Variants in PHEX observed in about 807,000 individuals in gnomAD.
The protein encoded by PHEX is phosphate regulating endopeptidase X-linked.
Under a neutral mutation model 68.0 loss-of-function variants are expected in PHEX, and 16 were observed. The ratio of observed to expected loss-of-function variants is 0.24; its 90% confidence interval spans 0.16 to 0.36. The LOEUF is 0.36. Among genes scored for constraint, PHEX ranks in the 10% least tolerant of loss-of-function variants. The pLI, the probability that PHEX is intolerant of heterozygous loss-of-function variation, is 1.00. For synonymous variants in PHEX, 208 were observed against 205.1 expected (o/e 1.01, Z -0.12); for missense variants, 480 against 575.5 (o/e 0.83, Z 1.70).
At chrX:22,066,194 C>T (rs998982012) in intron 3 of PHEX, among the ~76,000 whole-genome samples, 1 of 111,783 alleles carries the variant, frequency 8.9e-6, no homozygotes, top group Non-Finnish European at 1.9e-5. Flanking sequence ...ATGTAATGAG[C>T]GATATGTTTT....
At chrX:22,068,274 G>A (rs886584734) in intron 3 of PHEX, among the ~76,000 whole-genome samples, 1 of 111,901 alleles carries the variant, frequency 8.9e-6, no homozygotes, top group African/African-American at 3.2e-5. Context: ...TCCTACCTCT[G>A]GTTAGGTGCC....
intron 13 of PHEX, chrX:22,171,773 A>T (rs1339124719): frequency 2.7e-5 from 3 of 112,257 alleles, no homozygotes; most frequent in Non-Finnish European, 5.6e-5. Context: ...GACTGTTTTC[A>T]GTTTTAAGAA....
At chrX:22,188,359 C>CT (rs1289816963) in intron 14 of PHEX, among the ~76,000 whole-genome samples, 1 of 111,665 alleles carries the variant, frequency 9.0e-6, no homozygotes, top group Non-Finnish European at 1.9e-5. Flanking sequence ...CATGCCACTG[C>CT]TGGGCCTAGG....
intron 9 of PHEX, 107 bp from the exon 10 acceptor site, chrX:22,111,360 A>G (rs1023666566): frequency 1.6e-6 from 1 of 641,515 alleles, no homozygotes; most frequent in African/African-American, 2.2e-5. Context: ...TTGTATGAGT[A>G]AGAGGTCCCT....
intron 7 of PHEX, 144 bp downstream of exon 7, chrX:22,094,243 C>T (rs1244418557): frequency 2.5e-6 from 1 of 407,757 alleles, no homozygotes. Context: ...TGTCATTGCC[C>T]ATTGGGCCCA....
At chrX:22,199,470 C>T (rs1326139587) in intron 15 of PHEX, among the ~76,000 whole-genome samples, 1 of 112,074 alleles carries the variant, frequency 8.9e-6, no homozygotes, top group Non-Finnish European at 1.9e-5. Context: ...CAGAAGTAAA[C>T]AGTTCCTAAG....
At chrX:22,092,533 G>T (rs892655063) in intron 6 of PHEX, among the ~76,000 whole-genome samples, 4 of 108,102 alleles carry the variant, frequency 3.7e-5, no homozygotes. Flanking sequence ...CCACCATGCC[G>T]GGCTAATTTT....
At chrX:22,063,296 C>T (rs1303741472) in intron 3 of PHEX, among the ~76,000 whole-genome samples, 1 of 112,340 alleles carries the variant, frequency 8.9e-6, no homozygotes, top group Non-Finnish European at 1.9e-5. Context: ...TTGACCAAGT[C>T]TCCAGAATAA....
At chrX:22,138,068 CT>C in intron 12 of PHEX, among the ~76,000 whole-genome samples, 1 of 112,404 alleles carries the variant, frequency 8.9e-6, no homozygotes, top group African/African-American at 3.2e-5. Flanking sequence ...TGCTGACTGC[CT>C]TTCTTTCTCT....
At chrX:22,205,099 C>T (rs1046125695) in intron 15 of PHEX, among the ~76,000 whole-genome samples, 1 of 112,075 alleles carries the variant, frequency 8.9e-6, no homozygotes, top group African/African-American at 3.2e-5. Context: ...GACACAGGTA[C>T]ACACTTAATG....
At chrX:22,237,869 T>C (rs1936037501) in intron 20 of PHEX, among the ~76,000 whole-genome samples, 1 of 112,784 alleles carries the variant, frequency 8.9e-6, no homozygotes, top group Admixed American at 9.4e-5. Flanking sequence ...TCAAGTCATA[T>C]GGCAAGTCAG....
intron 15 of PHEX, among the ~76,000 whole-genome samples, chrX:22,198,832 G>A (rs143181672): frequency 1.9e-4 from 21 of 111,650 alleles, no homozygotes; most frequent in African/African-American, 5.9e-4. Context: ...TAGTAAAGAC[G>A]TACCCAAGAC....
At chrX:22,104,735 C>A (rs1484312969) in intron 9 of PHEX, among the ~76,000 whole-genome samples, 1 of 111,461 alleles carries the variant, frequency 9.0e-6, no homozygotes, top group Non-Finnish European at 1.9e-5. Flanking sequence ...CACTTCCCAT[C>A]TACTTTTATC....
At chrX:22,210,955 AAAGTT>A (rs1247493481) in intron 15 of PHEX, among the ~76,000 whole-genome samples, 7 of 111,103 alleles carry the variant, frequency 6.3e-5, no homozygotes, top group East Asian at 2.8e-4. Context: ...GAGAAAAAAA[AAAGTT>A]AAGAAGAGGG....
intron 5 of PHEX, among the ~76,000 whole-genome samples, chrX:22,085,329 C>G (rs1929578324): frequency 9.0e-6 from 1 of 111,063 alleles, no homozygotes. Flanking sequence ...AATCCCAGCA[C>G]TATGGGAGGT....
At chrX:22,092,705 C>T (rs909004318) in intron 6 of PHEX, among the ~76,000 whole-genome samples, 23 of 107,347 alleles carry the variant, frequency 2.1e-4, no homozygotes, top group African/African-American at 7.9e-4. Context: ...TTAGGAATAG[C>T]AAAATATTAT....
intron 3 of PHEX, among the ~76,000 whole-genome samples, chrX:22,050,406 C>T (rs1278656680): frequency 1.8e-5 from 2 of 109,726 alleles, no homozygotes; most frequent in East Asian, 2.8e-4. Context: ...GGTGAAACCT[C>T]GTCTCTACCA....
chrX:22,160,053 G>T (rs1276290198), intron 12 of PHEX, among the ~76,000 whole-genome samples: 6 of 111,951 alleles, frequency 5.4e-5, no homozygotes, highest in African/African-American at 1.9e-4. Context: ...ATTAAGGAGA[G>T]TCCTGAGCCT....
At chrX:22,044,715 A>AAAAT (rs1186994428) in intron 2 of PHEX, among the ~76,000 whole-genome samples, 93 of 91,454 alleles carry the variant, frequency 1.0e-3, no homozygotes, top group Middle Eastern at 5.4e-3. Context: ...TCTGTCTCAA[A>AAAAT]AAATAAATAA....
Sources: allele counts gnomAD v4.1 joint callset (sites outside exome capture counted in the v4.1 genomes callset), GRCh38; gene constraint gnomAD v4.1.1; transcripts MANE v1.5; gene names NCBI Gene and HGNC (gene_info 2026-07-23, HGNC 2026-07-21).